The following DHX32 variants were observed in gnomAD, a reference collection of about 807,000 sequenced individuals.
The protein encoded by DHX32 is DEAH-box helicase 32 (putative).
Under a neutral mutation model 70.0 loss-of-function variants are expected in DHX32, and 51 were observed. The ratio of observed to expected loss-of-function variants is 0.73; its 90% CI spans 0.58 to 0.92. The LOEUF is 0.92. Ranked by LOEUF, DHX32 falls within the 40% of genes least tolerant of loss-of-function variation. DHX32 has a pLI of 0.00. For missense variants in DHX32, 762 were observed against 891.8 expected (o/e 0.85, Z 1.85); for synonymous variants, 310 against 315.3 (o/e 0.98, Z 0.18).
intron 1 of DHX32, among the ~76,000 whole-genome samples, chr10:125,894,814 A>G (rs1944419016): frequency 6.6e-6 from 1 of 152,308 alleles, no homozygotes; most frequent in Non-Finnish European, 1.5e-5. Flanking sequence ...TGATCACTCT[A>G]TTTGTATCTT....
At chr10:125,841,445 T>G in intron 7 of DHX32, 1 of 1,550,070 alleles carries the variant, frequency 6.5e-7, no homozygotes, top group South Asian at 1.2e-5. Context: ...ACACCTCTAG[T>G]GACACATTTT....
chr10:125,867,147 G>A lies in DHX32; in HGVS notation c.319C>T (p.His107Tyr), dbSNP rs1342758962. The change falls in exon 2 of 11, where the codon CAC becomes TAC. Residue 107 changes from histidine to tyrosine, a missense_variant. By Grantham distance (83) the His-to-Tyr change is moderately conservative. Coordinates refer to ENST00000284690, the MANE Select transcript of DHX32 (RefSeq NM_018180.3). Reference protein sequence around the residue: ...QWCAEYCLSIHYQHGGVICTQ... With the variant: ...QWCAEYCLSIYYQHGGVICTQ... Reference sequence around the variant, plus strand: ...CATATCACGCCCCCGTGCTGGTAGTGGATGGAAAGACAATATTCAGCACAC... The same window carrying A: ...CATATCACGCCCCCGTGCTGGTAGTAGATGGAAAGACAATATTCAGCACAC... 1.2e-6 allele frequency: 2 copies of A among 1,613,882 alleles called. No homozygotes were observed. Among genetic ancestry groups the A allele is most frequent in the African/African-American group, 2.7e-5 (2 of 74,908 alleles).
rs759888460 is a variant in DHX32, at chr10:125,854,086, C to T, written c.967G>A (p.Asp323Asn). 5.5e-5 allele frequency: 88 copies of T among 1,613,848 alleles called. No homozygotes were observed. The highest frequency in any genetic ancestry group is 9.3e-5 in the African/African-American group (7 of 74,886). Residue 323 changes from aspartate (D) to asparagine (N), a missense_variant, in exon 4 of 11, where the codon GAT becomes AAT. Coordinates refer to ENST00000284690, the MANE Select transcript of DHX32 (RefSeq NM_018180.3). Reference sequence around the variant, plus strand: ...ACTTGGCATCTTTTTTCTGTTTCATCGAGTGGCTTGAACAATGAACATTTC... The same window carrying T: ...ACTTGGCATCTTTTTTCTGTTTCATTGAGTGGCTTGAACAATGAACATTTC... Reference protein sequence around the residue: ...KEKCSLFKPLDETEKRCQVYQ... With the variant: ...KEKCSLFKPLNETEKRCQVYQ...
intron 6 of DHX32, among the ~76,000 whole-genome samples, chr10:125,849,595 T>C (rs1944064468): frequency 6.6e-6 from 1 of 151,480 alleles, no homozygotes; most frequent in Non-Finnish European, 1.5e-5. Flanking sequence ...GCTAGAATAT[T>C]TGCTCGACTC....
At chr10:125,885,714 T>C (rs1275927175), upstream of DHX32, among the ~76,000 whole-genome samples, 3 of 152,212 alleles carry the variant, frequency 2.0e-5, no homozygotes, top group African/African-American at 2.4e-5. Flanking sequence ...TTTATGGTAA[T>C]TTCTTATAGA....
At chr10:125,849,948 C>G (rs749057659) in intron 6 of DHX32, among the ~76,000 whole-genome samples, 2 of 152,016 alleles carry the variant, frequency 1.3e-5, no homozygotes, top group Non-Finnish European at 2.9e-5. Flanking sequence ...ACCATCACAA[C>G]AGATGACACC....
At chr10:125,881,835 GT>G (rs1359885913), upstream of DHX32, among the ~76,000 whole-genome samples, 1 of 152,192 alleles carries the variant, frequency 6.6e-6, no homozygotes, top group Non-Finnish European at 1.5e-5. Context: ...TAGAGACGGA[GT>G]TTTGCCTTGT....
At chr10:125,852,923 G>A (rs150144867) in intron 4 of DHX32, among the ~76,000 whole-genome samples, 20 of 152,272 alleles carry the variant, frequency 1.3e-4, no homozygotes, top group Non-Finnish European at 2.4e-4. Context: ...ACTTCTCAAA[G>A]CACTGTACTG....
intron 1 of DHX32, 139 bp downstream of exon 1, chr10:125,880,404 G>T: frequency 1.1e-6 from 1 of 879,138 alleles, no homozygotes; most frequent in Non-Finnish European, 1.6e-6. Context: ...TTAGGTACGT[G>T]ATTTAATTAT....
intron 1 of DHX32, among the ~76,000 whole-genome samples, chr10:125,870,453 T>C (rs1361929702): frequency 6.6e-6 from 1 of 152,198 alleles, no homozygotes; most frequent in Non-Finnish European, 1.5e-5. Context: ...GCGAGTATAA[T>C]TGCCACTACA....
intron 3 of DHX32, 39 bp from the exon 4 acceptor site, chr10:125,854,242 AAAC>A: frequency 6.5e-7 from 1 of 1,536,990 alleles, no homozygotes. Context: ...AATACAATGC[AAAC>A]AACATCACTA....
intron 6 of DHX32, among the ~76,000 whole-genome samples, chr10:125,844,457 A>C (rs1458006999): frequency 1.3e-5 from 2 of 152,246 alleles, no homozygotes; most frequent in Non-Finnish European, 2.9e-5. Context: ...GGTTAGTAAC[A>C]TAAATGACTT....
intron 1 of DHX32, among the ~76,000 whole-genome samples, chr10:125,870,020 T>C (rs1476243712): frequency 6.6e-6 from 1 of 152,168 alleles, no homozygotes; most frequent in Non-Finnish European, 1.5e-5. Flanking sequence ...AAATATTCTA[T>C]GATTTCTAAC....
chr10:125,864,273 TGTGAA>T (rs1944206286), intron 2 of DHX32, among the ~76,000 whole-genome samples: 1 of 152,118 alleles, frequency 6.6e-6, no homozygotes, highest in Non-Finnish European at 1.5e-5. Context: ...CAAGAGTAAC[TGTGAA>T]GTGAAGATAT....
At position 125,859,971 on chromosome 10, in the gene DHX32, A is replaced by G. The variant is rs139438614; in HGVS notation, c.481T>C (p.Cys161Arg). ...CCTNETILRY[C>R]TDDMLQREMM... is the part of the protein sequence containing the mutation. ...TCTCTTTGCAGCATATCATCAGTAC[A>G]ATACCTATAAAGAAGAAACATTAAA... The change falls in exon 3 of 11, where the codon TGT becomes CGT. Residue 161 changes from cysteine (C) to arginine (R), a missense_variant. Around this residue, in one of 3 missense-constraint regions of DHX32, gnomAD observed 394 missense variants for 473.1 expected, o/e 0.83. Coordinates refer to ENST00000284690, the MANE Select transcript of DHX32 (RefSeq NM_018180.3). 6.5e-7 allele frequency: 1 copy of G among 1,549,200 alleles called. No individual in the cohort carries two copies. Among genetic ancestry groups the G allele is most frequent in the Non-Finnish European group, 8.7e-7 (1 of 1,152,788 alleles).
At chr10:125,880,016 C>A (rs1334162715) in intron 1 of DHX32, among the ~76,000 whole-genome samples, 1 of 152,180 alleles carries the variant, frequency 6.6e-6, no homozygotes, top group African/African-American at 2.4e-5. Flanking sequence ...TCTTAGACCC[C>A]AAAGTGTGTG....
intron 10 of DHX32, among the ~76,000 whole-genome samples, chr10:125,837,586 C>G (rs1023226156): frequency 2.0e-5 from 3 of 152,060 alleles, no homozygotes; most frequent in African/African-American, 7.2e-5. Flanking sequence ...GCCACCACAC[C>G]CGGCTAATTT....
chr10:125,867,814 AATGT>A (rs749273894), intron 1 of DHX32, among the ~76,000 whole-genome samples: 19 of 152,088 alleles, frequency 1.2e-4, no homozygotes, highest in Non-Finnish European at 2.4e-4. Context: ...TGAAAAGACT[AATGT>A]ATTTAGAGAT....
chr10:125,852,705 C>T, intron 4 of DHX32, 63 bp from the exon 5 acceptor site: 6 of 1,431,970 alleles, frequency 4.2e-6, no homozygotes, highest in Non-Finnish European at 5.7e-6. Flanking sequence ...GCTCACTGAT[C>T]CTGAAGAGAA....
Sources: gnomAD v4.1 joint callset for allele counts (sites outside exome capture counted in the v4.1 genomes callset) on GRCh38, gnomAD v4.1.1 for gene constraint, gnomAD v4.1.1 regional missense constraint, MANE v1.5 for transcripts, NCBI Gene and HGNC (gene_info 2026-07-23, HGNC 2026-07-21) for gene names.